The following ARHGAP44 variants were observed in gnomAD, a reference collection of about 807,000 sequenced individuals.
ARHGAP44 encodes Rho GTPase activating protein 44.
Under a neutral mutation model 106.8 loss-of-function variants are expected in ARHGAP44, and 43 were observed. The observed-to-expected ratio is 0.40, with a 90% CI of 0.32 to 0.52. ARHGAP44 has a LOEUF of 0.52. Among genes scored for constraint, ARHGAP44 ranks in the 20% least tolerant of loss-of-function variants. ARHGAP44 has a pLI of 0.48. For missense variants in ARHGAP44, 866 were observed against 1,050.5 expected, an observed-to-expected ratio of 0.82 and a Z score of 2.43; for synonymous variants, 439 against 410.3, an observed-to-expected ratio of 1.07 and a Z score of -0.85.
chr17:12,790,015 C>T, intron 1 of ARHGAP44, 124 bp downstream of exon 1: 1 of 929,392 alleles, frequency 1.1e-6, no homozygotes, highest in Non-Finnish European at 1.5e-6. Context: ...CCTGCACCAG[C>T]TCCCTCCAGG....
chr17:12,816,682 TAA>T (rs1302063449), intron 1 of ARHGAP44, among the ~76,000 whole-genome samples: 1 of 152,152 alleles, frequency 6.6e-6, no homozygotes, highest in Non-Finnish European at 1.5e-5. Flanking sequence ...TACATACTGA[TAA>T]AAGAGTCAGT....
Position 12,990,439 on chromosome 17 carries a change from C to CA in ARHGAP44, c.*269dup, listed in dbSNP as rs755277572. The CA allele has an allele frequency of 3.3e-4, 133 of 403,548 alleles. No individual in the cohort carries two copies. Among genetic ancestry groups the CA allele is most frequent in the South Asian group, 1.0e-3 (36 of 35,076 alleles). The allele number at this position is 403,548 out of a possible 1,614,324, so 25.0% of individuals were successfully genotyped here. ...CTTTGTGCCTCTTTTGATCCACTTTCAGCCTCCATGCCAGAAAACACCCAC... is the reference window on the plus strand; with the variant it reads ...CTTTGTGCCTCTTTTGATCCACTTTCAAGCCTCCATGCCAGAAAACACCCAC... On this transcript the variant is annotated 3_prime_UTR_variant, in exon 21 of 21. Coordinates refer to ENST00000379672, the MANE Select transcript of ARHGAP44 (RefSeq NM_014859.6).
At chr17:12,843,683 G>T in intron 1 of ARHGAP44, among the ~76,000 whole-genome samples, 1 of 127,258 alleles carries the variant, frequency 7.9e-6, no homozygotes. Context: ...TTGAGATGGA[G>T]TTTCGTCTGT....
chr17:12,919,692 G>C, intron 5 of ARHGAP44, 63 bp from the exon 6 acceptor site: 4 of 1,477,584 alleles, frequency 2.7e-6, no homozygotes, highest in Non-Finnish European at 2.8e-6. Flanking sequence ...GGCCAGGAAT[G>C]GTTCCTAAAG....
At chr17:12,818,246 A>G (rs2034656141) in intron 1 of ARHGAP44, among the ~76,000 whole-genome samples, 1 of 151,652 alleles carries the variant, frequency 6.6e-6, no homozygotes, top group South Asian at 2.1e-4. Context: ...GCCAAAGCAA[A>G]TGACAAAATT....
At chr17:12,955,716 C>G (rs1000712028) in intron 13 of ARHGAP44, 151 bp from the exon 14 acceptor site, 2 of 566,694 alleles carry the variant, frequency 3.5e-6, no homozygotes, top group Non-Finnish European at 6.3e-6. Flanking sequence ...ATTTCCATTT[C>G]CTGACACGTG....
chr17:12,876,023 T>C (rs900691820), intron 1 of ARHGAP44, among the ~76,000 whole-genome samples: 2 of 152,214 alleles, frequency 1.3e-5, no homozygotes, highest in African/African-American at 4.8e-5. Context: ...CAGTTAGAGC[T>C]AGAAGCTCTA....
At chr17:12,953,225 C>A (rs1239754385) in intron 13 of ARHGAP44, among the ~76,000 whole-genome samples, 2 of 152,128 alleles carry the variant, frequency 1.3e-5, no homozygotes, top group Non-Finnish European at 2.9e-5. Context: ...TCCACGTCTG[C>A]CTCTCGCTTT....
chr17:12,910,408 A>G (rs907847741), intron 4 of ARHGAP44, among the ~76,000 whole-genome samples: 15 of 148,372 alleles, frequency 1.0e-4, no homozygotes, highest in Admixed American at 6.7e-4. Context: ...GAACTCAGGG[A>G]TGAGTAGATC....
At chr17:12,836,381 C>T (rs2035239399) in intron 1 of ARHGAP44, among the ~76,000 whole-genome samples, 1 of 152,114 alleles carries the variant, frequency 6.6e-6, no homozygotes, top group Non-Finnish European at 1.5e-5. Context: ...CATGCGGTGG[C>T]TCATACCTGT....
At chr17:12,986,743 G>T in intron 20 of ARHGAP44, 1 of 172,182 alleles carries the variant, frequency 5.8e-6, no homozygotes. Flanking sequence ...GAAAAGAGCA[G>T]AAGGAGAGGA....
At chr17:12,981,649 C>T (rs1370131491) in intron 19 of ARHGAP44, among the ~76,000 whole-genome samples, 5 of 151,926 alleles carry the variant, frequency 3.3e-5, no homozygotes, top group South Asian at 2.1e-4. Flanking sequence ...CTGCCCACCT[C>T]GGCCTCCCAA....
At chr17:12,925,893 ACTAT>A (rs1274596226) in intron 6 of ARHGAP44, among the ~76,000 whole-genome samples, 1 of 152,124 alleles carries the variant, frequency 6.6e-6, no homozygotes, top group Non-Finnish European at 1.5e-5. Flanking sequence ...TCCCAAAATG[ACTAT>A]CTGTACAAAA....
intron 1 of ARHGAP44, among the ~76,000 whole-genome samples, chr17:12,873,419 T>C (rs1034004941): frequency 1.3e-5 from 2 of 152,256 alleles, no homozygotes; most frequent in African/African-American, 2.4e-5. Context: ...CTTAGTGTTA[T>C]ATGAAGAGCT....
chr17:12,977,359 C>T (rs1205411562), intron 18 of ARHGAP44, among the ~76,000 whole-genome samples: 2 of 151,962 alleles, frequency 1.3e-5, no homozygotes, highest in Non-Finnish European at 2.9e-5. Flanking sequence ...CTCGAGTGGC[C>T]GGATTCTCGT....
rs545578061 is a variant in ARHGAP44, at chr17:12,991,501, C to T, written c.*1330C>T. The T allele has an allele frequency of 1.8e-4, 32 of 173,742 alleles. No homozygotes were observed. Among genetic ancestry groups the T allele is most frequent in the Admixed American group, 1.6e-3 (25 of 15,750 alleles). The allele number at this position is 173,742 out of a possible 1,614,324, so 10.8% of individuals were successfully genotyped here. Reference sequence around the variant, plus strand: ...GCAGAGTTTTGATGTTGCAGCTTTGCTCACTTCCTGGCAAGGGCAGGTCAT... The same window carrying T: ...GCAGAGTTTTGATGTTGCAGCTTTGTTCACTTCCTGGCAAGGGCAGGTCAT... On this transcript the variant is annotated 3_prime_UTR_variant, in exon 21 of 21. Coordinates refer to ENST00000379672, the MANE Select transcript of ARHGAP44 (RefSeq NM_014859.6).
In ARHGAP44 at chr17:12,987,119, G is replaced by A. The variant is rs1231319970; in HGVS notation, c.2317+2211G>A. The A allele has an allele frequency of 1.1e-5, 17 of 1,534,750 alleles. No homozygotes were observed. In the South Asian group the frequency reaches 1.2e-4, roughly 11 times the overall value. On this transcript the variant is annotated intron_variant, in intron 20 of 20. Transcript: ENST00000379672. ...CTTGCAGCTGTGTGACATGAGTGGC[G>A]CAGTTTTGGATACGTGTGAGGGGGA... is the stretch of plus-strand genomic sequence containing the variant.
At chr17:12,986,084 G>A (rs1178762631) in intron 20 of ARHGAP44, 1 of 152,242 alleles carries the variant, frequency 6.6e-6, no homozygotes, top group Non-Finnish European at 1.5e-5. Context: ...CAATTTGCAA[G>A]TGTTTGTACT....
At chr17:12,836,215 A>G (rs2035233262) in intron 1 of ARHGAP44, among the ~76,000 whole-genome samples, 2 of 152,234 alleles carry the variant, frequency 1.3e-5, no homozygotes, top group Non-Finnish European at 2.9e-5. Context: ...AAATGCTTGA[A>G]GAGCAGAACG....
Sources: allele counts gnomAD v4.1 joint callset (sites outside exome capture counted in the v4.1 genomes callset), GRCh38; gene constraint gnomAD v4.1.1; transcripts MANE v1.5; gene names NCBI Gene and HGNC (gene_info 2026-07-23, HGNC 2026-07-21).